PLEKHG4B: variants seen among roughly 807,000 people sequenced by gnomAD.
PLEKHG4B encodes pleckstrin homology and RhoGEF domain containing G4B, also known as pleckstrin homology domain-containing family G member 4B.
Under a neutral mutation model 121.3 loss-of-function variants are expected in PLEKHG4B, and 111 were observed. That is an observed-to-expected ratio of 0.92 (90% CI 0.78 to 1.07). The LOEUF (loss-of-function observed/expected upper bound fraction) is 1.07, where lower values mean the gene tolerates loss of function less well. PLEKHG4B is among the 50% of genes least tolerant of loss of function. PLEKHG4B has a pLI of 0.00. For synonymous variants in PLEKHG4B, 738 were observed against 725.0 expected (o/e 1.02, Z -0.29); for missense variants, 1,831 against 1,757.8 (o/e 1.04, Z -0.74).
rs1436769084 is a variant in PLEKHG4B at position 169,713 on chromosome 5, G to C, written c.3729+121G>C. The C allele has an allele frequency of 3.5e-6, 5 of 1,425,520 alleles. No individual in the cohort carries two copies. The Admixed American group carries it at 6.5e-5, about 19-fold the overall frequency. 88.3% of individuals were successfully genotyped at this position (1,425,520 alleles called of 1,614,324 possible). Reference sequence around the variant, plus strand: ...GAATAGCTTCAGTCCAGGTCTAGGAGCTGGTCCTGACAGGATGTTAAGACC... The same window carrying C: ...GAATAGCTTCAGTCCAGGTCTAGGACCTGGTCCTGACAGGATGTTAAGACC... On this transcript the variant is annotated intron_variant, in intron 14 of 19. Coordinates refer to ENST00000637938, the MANE Select transcript of PLEKHG4B (RefSeq NM_052909.5).
intron 19 of PLEKHG4B, 63 bp from the exon 20 acceptor site, chr5:181,941 C>T: frequency 6.5e-7 from 1 of 1,543,788 alleles, no homozygotes; most frequent in East Asian, 2.3e-5. Flanking sequence ...TGATCCCATT[C>T]CCGAACCTGG....
Position 173,967 on chromosome 5 carries a change from T to C in PLEKHG4B, c.4271T>C (p.Phe1424Ser). 1 of 1,613,088 alleles carries C rather than the reference T, an allele frequency of 6.2e-7. No homozygotes were observed. The change falls in exon 18 of 20, where the codon TTT (phenylalanine) becomes TCT (serine). Residue 1424 changes from phenylalanine to serine, a missense_variant. Physicochemically the swap from Phe to Ser is radical, Grantham distance 155. Coordinates refer to ENST00000637938, the MANE Select transcript of PLEKHG4B (RefSeq NM_052909.5). ...AACGTCGGGGACAGTGGCTTGAGGT[T>C]TGAGATTTGGTTTCGCAGGCGGCGG... is the stretch of plus-strand genomic sequence containing the variant. ...TENVGDSGLR[F>S]EIWFRRRRKS...
At chr5:108,449 G>A (rs541746847) in intron 1 of PLEKHG4B, among the ~76,000 whole-genome samples, 13 of 152,286 alleles carry the variant, frequency 8.5e-5, no homozygotes, top group Admixed American at 7.8e-4. Flanking sequence ...TGAGTGGAAA[G>A]CAGGGCTGGT....
intron 2 of PLEKHG4B, among the ~76,000 whole-genome samples, chr5:127,684 A>G (rs1579261564): frequency 6.6e-6 from 1 of 152,050 alleles, no homozygotes; most frequent in Non-Finnish European, 1.5e-5. Context: ...CTTTGTCTGC[A>G]CCTCTGTGGT....
At chr5:93,396 C>T (rs753378287) in intron 1 of PLEKHG4B, among the ~76,000 whole-genome samples, 5 of 152,116 alleles carry the variant, frequency 3.3e-5, no homozygotes, top group African/African-American at 4.8e-5. Flanking sequence ...TTGAGGAGGC[C>T]GCCGTCTCCG....
At chr5:165,525 C>G (rs71215307) in intron 13 of PLEKHG4B, among the ~76,000 whole-genome samples, 4 of 40,640 alleles carry the variant, frequency 9.8e-5, no homozygotes, top group African/African-American at 3.8e-4. Flanking sequence ...CACTAATGCT[C>G]TGACGGGGCG....
In PLEKHG4B at chr5:135,680, AAAATATATATATATATATATATAT is replaced by A. The variant is rs1384438468; in HGVS notation, c.244-3801_244-3778del. 4.8e-4 allele frequency among the ~76,000 whole-genome samples: 17 copies of A among 35,282 alleles called. 2 individuals carry two copies. The highest frequency in any genetic ancestry group is 0.02 in the Middle Eastern group (1 of 50). 23.1% of individuals were successfully genotyped at this position (35,282 alleles called of 152,430 possible). A position where few individuals can be genotyped will look rare whatever the true frequency, so the allele number is the denominator to read the frequency against. On this transcript the variant is annotated intron_variant, in intron 2 of 19. Transcript: ENST00000637938. ...GACTCCATCTCAAAAAAAAAAAAAA[AAAATATATATATATATATATATAT>A]ATATATATATATATATATATATATG...
At chr5:97,646 TATAACTCTCCGC>T (rs1733668837) in intron 1 of PLEKHG4B, among the ~76,000 whole-genome samples, 1 of 151,828 alleles carries the variant, frequency 6.6e-6, no homozygotes, top group African/African-American at 2.4e-5. Context: ...TTCATGGCTG[TATAACTCTCCGC>T]TGTGTGGATA....
rs1735904442 is a variant in PLEKHG4B at position 159,097 on chromosome 5, C to G, written c.2487+2186C>G. Among the ~76,000 whole-genome samples the G allele has an allele frequency of 7.0e-6, 1 of 142,378 alleles. No individual in the cohort carries two copies. Among genetic ancestry groups the G allele is most frequent in the African/African-American group, 2.6e-5 (1 of 37,896 alleles). 93.4% of individuals were successfully genotyped at this position (142,378 alleles called of 152,430 possible). ...CTTCTCGGTGGAAGCCACAGACTTTCCTGTCGTCCTCGGGGCTCTGGAATC... is the reference window on the plus strand; with the variant it reads ...CTTCTCGGTGGAAGCCACAGACTTTGCTGTCGTCCTCGGGGCTCTGGAATC... On this transcript the variant is annotated intron_variant, in intron 11 of 19. Coordinates refer to ENST00000637938, the MANE Select transcript of PLEKHG4B (RefSeq NM_052909.5). This position sits in a 1 kb window ranked among gnomAD's most constrained non-coding sequence, Gnocchi z 5.5.
At chr5:119,207 G>C (rs978050583) in intron 2 of PLEKHG4B, among the ~76,000 whole-genome samples, 1 of 152,094 alleles carries the variant, frequency 6.6e-6, no homozygotes, top group African/African-American at 2.4e-5. Flanking sequence ...TGTCCGTAAA[G>C]TGTCAACAAA....
intron 6 of PLEKHG4B, among the ~76,000 whole-genome samples, chr5:148,096 A>G (rs554064384): frequency 3.2e-4 from 49 of 152,364 alleles, no homozygotes; most frequent in South Asian, 1.0e-3. Flanking sequence ...AATAAAAGTT[A>G]TATGAAAAAT....
intron 1 of PLEKHG4B, among the ~76,000 whole-genome samples, chr5:99,448 C>T (rs1733737313): frequency 6.6e-6 from 1 of 151,766 alleles, no homozygotes; most frequent in Admixed American, 6.6e-5. Flanking sequence ...GCAAGCAAGT[C>T]TTTTACCTTT....
At chr5:97,460 C>T (rs1230287607) in intron 1 of PLEKHG4B, among the ~76,000 whole-genome samples, 4 of 152,124 alleles carry the variant, frequency 2.6e-5, no homozygotes, top group Admixed American at 6.5e-5. Flanking sequence ...GTCCACATTC[C>T]GTCCTCCCCA....
At chr5:122,075 T>G (rs968548020) in intron 2 of PLEKHG4B, among the ~76,000 whole-genome samples, 2 of 152,182 alleles carry the variant, frequency 1.3e-5, no homozygotes, top group Non-Finnish European at 2.9e-5. Flanking sequence ...ATTACATTGT[T>G]TCGAATTTTA....
Position 171,011 on chromosome 5 carries a change from C to T in PLEKHG4B, c.3730-32C>T, listed in dbSNP as rs772140080. On this transcript the variant is annotated intron_variant, in intron 14 of 19. Transcript: ENST00000637938. ...CCTGCTGTCTCTGGGCCTGTCACTC[C>T]CACAGCCAAGCAGTCGCCTCTGCTT... 4 of 1,576,538 alleles carry T rather than the reference C, an allele frequency of 2.5e-6. No individual in the cohort carries two copies. In the Admixed American group the frequency reaches 6.9e-5, roughly 27 times the overall value.
Position 99,180 on chromosome 5 carries a change from A to G in PLEKHG4B, c.45+6904A>G, listed in dbSNP as rs1341849816. On this transcript the variant is annotated intron_variant, in intron 1 of 19. Transcript: ENST00000637938. The stretch of plus-strand genomic sequence containing the variant: ...CAAAAAAAAAAAAGTGTATATATAT[A>G]TATATATATATATATATATATATAT... Among the ~76,000 whole-genome samples the G allele has an allele frequency of 9.8e-3, 433 of 44,044 alleles. 7 individuals carry two copies. Among genetic ancestry groups the G allele is most frequent in the African/African-American group, 0.029 (353 of 12,098 alleles). The allele number at this position is 44,044 out of a possible 152,430, so 28.9% of individuals were successfully genotyped here.
At chr5:136,263 A>G (rs1338611655) in intron 2 of PLEKHG4B, among the ~76,000 whole-genome samples, 1 of 152,220 alleles carries the variant, frequency 6.6e-6, no homozygotes, top group East Asian at 1.9e-4. Context: ...CCAATTTGGC[A>G]AAGATTTTTT....
chr5:141,821 A>G (rs1246081918), intron 3 of PLEKHG4B, among the ~76,000 whole-genome samples: 3 of 150,566 alleles, frequency 2.0e-5, no homozygotes, highest in Non-Finnish European at 2.9e-5. Context: ...TCCAGCAAGT[A>G]GGGCCACCCA....
chr5:98,675 T>TGTTAGCCA (rs1733702019), intron 1 of PLEKHG4B, among the ~76,000 whole-genome samples: 1 of 144,912 alleles, frequency 6.9e-6, no homozygotes, highest in South Asian at 2.2e-4. Flanking sequence ...GGTTTCACCG[T>TGTTAGCCA]GTTAGCCAGG....
Sources: allele counts gnomAD v4.1 joint callset (sites outside exome capture counted in the v4.1 genomes callset), GRCh38; gene constraint gnomAD v4.1.1; non-coding constraint Gnocchi (gnomAD v3.1); transcripts MANE v1.5; gene names NCBI Gene and HGNC (gene_info 2026-07-23, HGNC 2026-07-21).